NEDD4L: variants seen among roughly 807,000 people sequenced by gnomAD.
NEDD4L encodes the protein NEDD4 like E3 ubiquitin protein ligase, also known as E3 ubiquitin-protein ligase NEDD4-like.
A neutral mutation model predicts 148.9 loss-of-function variants in NEDD4L; 54 were observed. That is an observed-to-expected ratio of 0.36 (90% CI 0.29 to 0.45). The LOEUF is 0.45. Ranked by LOEUF, NEDD4L falls within the 20% of genes least tolerant of loss-of-function variation. NEDD4L has a pLI of 1.00. For missense variants in NEDD4L, 856 were observed against 1,233.8 expected (o/e 0.69, Z 4.59); for synonymous variants, 433 against 440.7 (o/e 0.98, Z 0.22).
intron 23 of NEDD4L, among the ~76,000 whole-genome samples, chr18:58,371,370 A>G (rs545422454): frequency 1.4e-4 from 22 of 152,204 alleles, no homozygotes; most frequent in Non-Finnish European, 2.8e-4. Flanking sequence ...GCTATAAAAC[A>G]AAAATTGATG....
intron 16 of NEDD4L, among the ~76,000 whole-genome samples, chr18:58,348,282 G>A (rs1177442413): frequency 6.7e-6 from 1 of 149,218 alleles, no homozygotes; most frequent in Non-Finnish European, 1.5e-5. Flanking sequence ...ACAAGTGTGA[G>A]CCACTGCATC....
intron 2 of NEDD4L, among the ~76,000 whole-genome samples, chr18:58,182,693 A>G (rs1051604242): frequency 6.6e-6 from 1 of 151,834 alleles, no homozygotes; most frequent in Non-Finnish European, 1.5e-5. Flanking sequence ...TGTTGCCCAG[A>G]GTGGTCTCAA....
intron 1 of NEDD4L, among the ~76,000 whole-genome samples, chr18:58,084,671 TTG>T (rs55916532): frequency 0.024 from 3,145 of 133,754 alleles, 114 homozygotes; most frequent in African/African-American, 0.077. Flanking sequence ...TGTGGGGTTT[TTG>T]TGTGTGTGTG....
chr18:58,154,141 A>G (rs879245304), intron 1 of NEDD4L, among the ~76,000 whole-genome samples: 1 of 152,242 alleles, frequency 6.6e-6, no homozygotes, highest in Non-Finnish European at 1.5e-5. Flanking sequence ...GACATGTGAC[A>G]TGGGCGTTTA....
intron 1 of NEDD4L, among the ~76,000 whole-genome samples, chr18:58,074,805 C>T (rs2083077833): frequency 1.3e-5 from 2 of 151,928 alleles, no homozygotes; most frequent in Middle Eastern, 3.4e-3. Flanking sequence ...AAGATGAAGC[C>T]CAAATGGCAG....
At chr18:58,059,708 C>A (rs2082242745) in intron 1 of NEDD4L, among the ~76,000 whole-genome samples, 1 of 152,172 alleles carries the variant, frequency 6.6e-6, no homozygotes, top group African/African-American at 2.4e-5. Flanking sequence ...TCTTGTGGGA[C>A]ATGGTGACTC....
At chr18:58,082,428 A>T (rs1034317751) in intron 1 of NEDD4L, among the ~76,000 whole-genome samples, 1 of 151,216 alleles carries the variant, frequency 6.6e-6, no homozygotes, top group East Asian at 1.9e-4. Flanking sequence ...AGTACTGTTT[A>T]TGCATTTTGT....
intron 16 of NEDD4L, among the ~76,000 whole-genome samples, chr18:58,344,362 T>C (rs2042795215): frequency 6.6e-6 from 1 of 152,194 alleles, no homozygotes; most frequent in Admixed American, 6.5e-5. Flanking sequence ...GGCAGGGACA[T>C]TTGTGCCTTC....
At chr18:58,381,415 A>G (rs747344746) in intron 24 of NEDD4L, among the ~76,000 whole-genome samples, 2 of 152,130 alleles carry the variant, frequency 1.3e-5, no homozygotes, top group Non-Finnish European at 2.9e-5. Context: ...GGAAATTACA[A>G]CTTTCAGGCA....
At chr18:58,249,291 T>G (rs541044582) in intron 4 of NEDD4L, among the ~76,000 whole-genome samples, 5 of 152,292 alleles carry the variant, frequency 3.3e-5, no homozygotes, top group African/African-American at 1.2e-4. Flanking sequence ...AGTAAAACAG[T>G]AGAGGCAACA....
intron 2 of NEDD4L, chr18:58,195,490 G>GC (rs2040561163): frequency 7.4e-7 from 1 of 1,344,300 alleles, no homozygotes. Context: ...GCGCGAGGGT[G>GC]CCCGGGTGGG....
At chr18:58,216,141 C>T (rs1444900752) in intron 2 of NEDD4L, among the ~76,000 whole-genome samples, 1 of 152,158 alleles carries the variant, frequency 6.6e-6, no homozygotes, top group Non-Finnish European at 1.5e-5. Context: ...CACAAAGACT[C>T]ACTGTGCCAT....
chr18:58,213,901 T>G (rs1462392533), intron 2 of NEDD4L, among the ~76,000 whole-genome samples: 1 of 152,204 alleles, frequency 6.6e-6, no homozygotes, highest in Non-Finnish European at 1.5e-5. Context: ...TCATTGGCAG[T>G]TTTTGGTGGT....
At chr18:58,252,353 G>A (rs945291569) in intron 5 of NEDD4L, among the ~76,000 whole-genome samples, 1 of 152,202 alleles carries the variant, frequency 6.6e-6, no homozygotes, top group African/African-American at 2.4e-5. Context: ...ATACAGAACG[G>A]TAGGCAGATC....
intron 5 of NEDD4L, among the ~76,000 whole-genome samples, chr18:58,283,114 C>T (rs762683665): frequency 2.0e-5 from 3 of 152,108 alleles, no homozygotes; most frequent in Non-Finnish European, 4.4e-5. Flanking sequence ...CTCGCTCTGT[C>T]GCCCAGGCTG....
At chr18:58,242,111 C>T (rs149425976) in intron 2 of NEDD4L, among the ~76,000 whole-genome samples, 7 of 152,180 alleles carry the variant, frequency 4.6e-5, no homozygotes, top group South Asian at 2.1e-4. Context: ...AATGAGGAGG[C>T]GTGGAATACG....
Position 58,256,858 on chromosome 18 carries a change from C to T in NEDD4L, c.297+4804C>T. 5.1e-6 allele frequency: 6 copies of T among 1,167,842 alleles called. No homozygotes were observed. The South Asian group carries it at 1.8e-4, about 35-fold the overall frequency. 72.3% of individuals were successfully genotyped at this position (1,167,842 alleles called of 1,614,324 possible). A position where few individuals can be genotyped will look rare whatever the true frequency, so the allele number is the denominator to read the frequency against. On this transcript the variant is annotated intron_variant, in intron 5 of 30. Transcript: ENST00000400345. The surrounding 1 kb of genome is among the most constrained non-coding windows in gnomAD (Gnocchi z 5.2). Reference sequence around the variant, plus strand: ...GGCGTAACCAAAATAAAACCTCACCCTCTGTTCCGGGAGTTTCCCTGCTTC... The same window carrying T: ...GGCGTAACCAAAATAAAACCTCACCTTCTGTTCCGGGAGTTTCCCTGCTTC...
At chr18:58,139,368 C>T (rs142552348) in intron 1 of NEDD4L, among the ~76,000 whole-genome samples, 2,038 of 145,080 alleles carry the variant, frequency 0.014, 24 homozygotes, top group Non-Finnish European at 0.022. Flanking sequence ...TTTTGGGAGA[C>T]GTAATACTTA....
intron 2 of NEDD4L, among the ~76,000 whole-genome samples, chr18:58,196,485 A>C (rs1214753954): frequency 6.6e-6 from 1 of 152,200 alleles, no homozygotes; most frequent in Admixed American, 6.5e-5. Context: ...GAGGTGCATA[A>C]TCATTACTCA....
Sources: allele counts gnomAD v4.1 joint callset (sites outside exome capture counted in the v4.1 genomes callset), GRCh38; gene constraint gnomAD v4.1.1; non-coding constraint Gnocchi (gnomAD v3.1); transcripts MANE v1.5; gene names NCBI Gene and HGNC (gene_info 2026-07-23, HGNC 2026-07-21).